The following PPM1G variants were observed in gnomAD, a reference collection of about 807,000 sequenced individuals.
PPM1G encodes protein phosphatase 1G.
PPM1G carries 12 observed loss-of-function variants against 59.4 expected under a neutral mutation model. That is an observed-to-expected ratio of 0.20 (90% CI 0.13 to 0.33). The LOEUF (loss-of-function observed/expected upper bound fraction) is 0.33. Ranked by LOEUF, PPM1G falls within the 10% of genes least tolerant of loss-of-function variation. The probability of loss-of-function intolerance (pLI) is 1.00; values close to 1 mark genes in which losing one functional copy is unlikely to be tolerated. For missense variants in PPM1G, 392 were observed against 681.3 expected, an observed-to-expected ratio of 0.58 and a Z score of 4.73; for synonymous variants, 245 against 251.9, an observed-to-expected ratio of 0.97 and a Z score of 0.26.
chr2:27,388,015 G>A (rs1683810232), intron 1 of PPM1G, among the ~76,000 whole-genome samples: 1 of 151,716 alleles, frequency 6.6e-6, no homozygotes, highest in Non-Finnish European at 1.5e-5. Context: ...AGCCAGAATG[G>A]TCTCGATCTC....
chr2:27,393,322 C>G, intron 1 of PPM1G: 1 of 1,598,072 alleles, frequency 6.3e-7, no homozygotes, highest in Non-Finnish European at 8.5e-7. Context: ...GCCTCTGAGT[C>G]TTGGTGGTAG....
rs528964522 is a variant in PPM1G, at chr2:27,403,746, A to G, written c.120+5557T>C. 2.6e-5 allele frequency among the ~76,000 whole-genome samples: 4 copies of G among 151,562 alleles called. No homozygotes were observed. In the East Asian group the frequency reaches 5.9e-4, roughly 22 times the overall value. On this transcript the variant is annotated intron_variant, in intron 1 of 9. Transcript: ENST00000344034. ...TACTAAAAATACAAAAAATAAGCCA[A>G]GTGTCGTGGCACATGCCTGTAATCC...
intron 1 of PPM1G, among the ~76,000 whole-genome samples, chr2:27,391,587 C>T (rs1032920651): frequency 3.3e-5 from 5 of 152,076 alleles, no homozygotes; most frequent in African/African-American, 9.7e-5. Context: ...TGGATGTATA[C>T]TTTGTGAATA....
In PPM1G at chr2:27,383,628, G is replaced by A. The variant is rs1433886741; in HGVS notation, c.967-28C>T. 3.8e-6 allele frequency: 6 copies of A among 1,581,916 alleles called. No homozygotes were observed. In the South Asian group the frequency reaches 5.7e-5, roughly 15 times the overall value. ...TAAGAGGAAGAAAAGGAGCATCATG[G>A]GGGCTTCTGAACATGCGTTCCTCAC... On this transcript the variant is annotated intron_variant, in intron 6 of 9. Transcript: ENST00000344034. This position sits in a 1 kb window ranked among gnomAD's most constrained non-coding sequence, Gnocchi z 5.0.
rs927554668 is a variant in PPM1G at position 27,386,964 on chromosome 2, A to G, written c.190+125T>C. ...GAATGACAGAATACAGAAAAACAGCACCACGCAGGAAATGATAATGAGGGC... is the reference window on the plus strand; with the variant it reads ...GAATGACAGAATACAGAAAAACAGCGCCACGCAGGAAATGATAATGAGGGC... On this transcript the variant is annotated intron_variant, in intron 2 of 9. Coordinates refer to ENST00000344034, the MANE Select transcript of PPM1G (RefSeq NM_177983.3). The G allele has an allele frequency of 1.2e-5, 8 of 694,668 alleles. 1 individual carries two copies. The South Asian group carries it at 1.2e-4, about 11-fold the overall frequency. 43.0% of individuals were successfully genotyped at this position (694,668 alleles called of 1,614,324 possible).
chr2:27,388,738 G>A (rs1683826876), intron 1 of PPM1G, among the ~76,000 whole-genome samples: 1 of 151,982 alleles, frequency 6.6e-6, no homozygotes, highest in Non-Finnish European at 1.5e-5. Context: ...AGCTGGAGGT[G>A]ATGGTGGGCG....
chr2:27,382,965 A>G lies in PPM1G; in HGVS notation c.1202-360T>C, dbSNP rs1486100080. Among the ~76,000 whole-genome samples, 3 of 150,830 alleles carry G rather than the reference A, an allele frequency of 2.0e-5. No individual in the cohort carries two copies. Among genetic ancestry groups the G allele is most frequent in the African/African-American group, 7.3e-5 (3 of 40,986 alleles). Reference sequence around the variant, plus strand: ...CTCAGCCTCCTGAGTAGCTGGGATTACAGGCTTGCACTACCATGCCCAGCT... The same window carrying G: ...CTCAGCCTCCTGAGTAGCTGGGATTGCAGGCTTGCACTACCATGCCCAGCT... On this transcript the variant is annotated intron_variant, in intron 7 of 9. Coordinates refer to ENST00000344034, the MANE Select transcript of PPM1G (RefSeq NM_177983.3). This position sits in a 1 kb window ranked among gnomAD's most constrained non-coding sequence, Gnocchi z 4.2.
At chr2:27,403,795 G>A (rs906708837) in intron 1 of PPM1G, among the ~76,000 whole-genome samples, 1 of 151,698 alleles carries the variant, frequency 6.6e-6, no homozygotes, top group Non-Finnish European at 1.5e-5. Flanking sequence ...GGCTGAGGCC[G>A]GAGAATCACT....
chr2:27,386,085 G>A, intron 3 of PPM1G, 109 bp downstream of exon 3: 1 of 1,262,628 alleles, frequency 7.9e-7, no homozygotes, highest in Non-Finnish European at 1.1e-6. Context: ...TTCTTCAAGA[G>A]TAAATAAGCA....
At chr2:27,395,477 TGAG>T (rs1684028237) in intron 1 of PPM1G, among the ~76,000 whole-genome samples, 1 of 151,568 alleles carries the variant, frequency 6.6e-6, no homozygotes, top group Non-Finnish European at 1.5e-5. Context: ...TGCAGTGAGC[TGAG>T]ATCATGCCGC....
intron 1 of PPM1G, among the ~76,000 whole-genome samples, chr2:27,399,314 A>G (rs937592676): frequency 6.6e-6 from 1 of 152,244 alleles, no homozygotes. Flanking sequence ...TTAAAAATGG[A>G]CAAAGACTTT....
At position 27,385,301 on chromosome 2, in the gene PPM1G, A is replaced by C. The variant is rs964980571; in HGVS notation, c.410-213T>G. The C allele has an allele frequency of 5.5e-6, 3 of 543,416 alleles. No individual in the cohort carries two copies. The highest frequency in any genetic ancestry group is 9.5e-6 in the Non-Finnish European group (3 of 315,768). The allele number at this position is 543,416 out of a possible 1,614,324, so 33.7% of individuals were successfully genotyped here. ...GTGTTTCATCCCCTTCTTAATCAAA[A>C]CAACACTAGTTACTATACTTCCCCT... is the stretch of plus-strand genomic sequence containing the variant. On this transcript the variant is annotated intron_variant, in intron 4 of 9. Coordinates refer to ENST00000344034, the MANE Select transcript of PPM1G (RefSeq NM_177983.3). This position sits in a 1 kb window ranked among gnomAD's most constrained non-coding sequence, Gnocchi z 4.1.
intron 1 of PPM1G, among the ~76,000 whole-genome samples, chr2:27,389,998 G>A (rs1683858468): frequency 6.6e-6 from 1 of 151,794 alleles, no homozygotes; most frequent in African/African-American, 2.4e-5. Flanking sequence ...GGATCACATT[G>A]ACTGTGGTAA....
At chr2:27,400,201 G>A (rs541357755) in intron 1 of PPM1G, among the ~76,000 whole-genome samples, 72 of 151,076 alleles carry the variant, frequency 4.8e-4, no homozygotes, top group Middle Eastern at 3.6e-3. Context: ...GTTCGAGACC[G>A]CCCTGGGCAA....
At chr2:27,396,363 T>C (rs1300466257) in intron 1 of PPM1G, among the ~76,000 whole-genome samples, 1 of 152,176 alleles carries the variant, frequency 6.6e-6, no homozygotes, top group Admixed American at 6.5e-5. Context: ...ATCAAATTCA[T>C]AGAGACTGAA....
At chr2:27,405,431 G>C (rs1178324931) in intron 1 of PPM1G, among the ~76,000 whole-genome samples, 6 of 151,788 alleles carry the variant, frequency 4.0e-5, no homozygotes, top group Non-Finnish European at 8.8e-5. Context: ...AAGGAGGAAG[G>C]AGGAGAACAT....
chr2:27,386,111 C>T lies in PPM1G; in HGVS notation c.276+83G>A, dbSNP rs1683758240. 3.6e-6 allele frequency: 5 copies of T among 1,385,384 alleles called. No homozygotes were observed. In the South Asian group the frequency reaches 6.1e-5, roughly 17 times the overall value. 85.8% of individuals were successfully genotyped at this position (1,385,384 alleles called of 1,614,324 possible). A position where few individuals can be genotyped will look rare whatever the true frequency, so the allele number is the denominator to read the frequency against. The stretch of plus-strand genomic sequence containing the variant: ...TAAATAAGCAGCAGCAGCTAGAGGA[C>T]AAAAAGAAAGGAAAAGCCCAAGGGC... On this transcript the variant is annotated intron_variant, in intron 3 of 9. Coordinates refer to ENST00000344034, the MANE Select transcript of PPM1G (RefSeq NM_177983.3).
rs541778689 is a variant in PPM1G at position 27,409,008 on chromosome 2, T to C, written c.120+295A>G. 5.9e-5 allele frequency among the ~76,000 whole-genome samples: 9 copies of C among 152,352 alleles called. No individual in the cohort carries two copies. The South Asian group carries it at 1.2e-3, about 21-fold the overall frequency. On this transcript the variant is annotated intron_variant, in intron 1 of 9. Coordinates refer to ENST00000344034, the MANE Select transcript of PPM1G (RefSeq NM_177983.3). ...CACACCGTTGATGAGCCTGGAGGGCTAGGTTGGCACGAGAGGATGGCGCCA... is the reference window on the plus strand; with the variant it reads ...CACACCGTTGATGAGCCTGGAGGGCCAGGTTGGCACGAGAGGATGGCGCCA...
rs1038975894 is a variant in PPM1G at position 27,409,523 on chromosome 2, C to T, written c.-101G>A. 3.8e-6 allele frequency: 5 copies of T among 1,312,870 alleles called. No homozygotes were observed. The East Asian group carries it at 1.6e-4, about 42-fold the overall frequency. 81.3% of individuals were successfully genotyped at this position (1,312,870 alleles called of 1,614,324 possible). A position where few individuals can be genotyped will look rare whatever the true frequency, so the allele number is the denominator to read the frequency against. On this transcript the variant is annotated 5_prime_UTR_variant, in exon 1 of 10. Transcript: ENST00000344034. ...CGCGCGGCAGGAGCAGGCCCCGCGG[C>T]GCGACCGACGCAAGGTGCCGGTGAA...
Sources: gnomAD v4.1 joint callset for allele counts (sites outside exome capture counted in the v4.1 genomes callset) on GRCh38, gnomAD v4.1.1 for gene constraint, Gnocchi (gnomAD v3.1) non-coding constraint, MANE v1.5 for transcripts, NCBI Gene and HGNC (gene_info 2026-07-23, HGNC 2026-07-21) for gene names.